The following MARCHF1 variants were observed in gnomAD, a reference collection of about 807,000 sequenced individuals.
MARCHF1 encodes E3 ubiquitin-protein ligase MARCHF1.
MARCHF1 carries 40 observed loss-of-function variants against 54.2 expected under a neutral mutation model. The observed-to-expected ratio is 0.74, with a 90% confidence interval of 0.57 to 0.96. The LOEUF (loss-of-function observed/expected upper bound fraction) is 0.96, where lower values mean the gene tolerates loss of function less well. Ranked by LOEUF, MARCHF1 falls within the 40% of genes least tolerant of loss-of-function variation. MARCHF1 has a pLI of 0.00. For missense variants in MARCHF1, 586 were observed against 656.5 expected, an observed-to-expected ratio of 0.89 and a Z score of 1.17; for synonymous variants, 236 against 236.3, an observed-to-expected ratio of 1.00 and a Z score of 0.01.
chr4:164,269,370 A>G (rs1560981723), intron 1 of MARCHF1, among the ~76,000 whole-genome samples: 1 of 151,972 alleles, frequency 6.6e-6, no homozygotes, highest in Non-Finnish European at 1.5e-5. Flanking sequence ...TTGCCTAGCA[A>G]TGGCTGTTTC....
rs779396035 is a variant in MARCHF1 at position 163,545,738 on chromosome 4, C to T, written c.1197G>A (p.Glu399=). The T allele has an allele frequency of 3.1e-6, 5 of 1,612,268 alleles. No homozygotes were observed. Among genetic ancestry groups the T allele is most frequent in the Middle Eastern group, 3.3e-4 (2 of 6,054 alleles). The change falls in exon 9 of 10, where the codon GAG becomes GAA. Residue 399 remains glutamate (E), a synonymous_variant. Transcript: ENST00000514618. ...TTTCACTTGTGGTCATCTGTAGTTT[C>T]TCCCACTGCAATCAGAAATGAAGGA... ...ETKLKPLRKW[E]KLQMTTSERR...
At chr4:163,553,782 C>T (rs1356969022) in intron 8 of MARCHF1, among the ~76,000 whole-genome samples, 1 of 152,120 alleles carries the variant, frequency 6.6e-6, no homozygotes, top group Non-Finnish European at 1.5e-5. Context: ...AAAGCATGAG[C>T]GTGGGTGTGT....
intron 1 of MARCHF1, among the ~76,000 whole-genome samples, chr4:164,326,150 T>TA (rs1735275416): frequency 6.6e-6 from 1 of 152,190 alleles, no homozygotes; most frequent in South Asian, 2.1e-4. Context: ...CCTTCCTTTT[T>TA]AAAAAATTCT....
rs1193638658 is a variant in MARCHF1, at chr4:163,802,540, T to C, written c.111+51481A>G. ...CCCTTTTTAATCCTCAAGCAGCTTT[T>C]GCTGTAACTGCAGTGTTTTTTACAG... On this transcript the variant is annotated intron_variant, in intron 4 of 9. Transcript: ENST00000514618. Among the ~76,000 whole-genome samples the C allele has an allele frequency of 2.6e-5, 4 of 152,218 alleles. No individual in the cohort carries two copies. In the East Asian group the frequency reaches 7.7e-4, roughly 29 times the overall value.
At chr4:163,607,900 C>T (rs527402690) in intron 7 of MARCHF1, among the ~76,000 whole-genome samples, 3 of 152,216 alleles carry the variant, frequency 2.0e-5, no homozygotes, top group South Asian at 4.1e-4. Flanking sequence ...ACAAGCCCTC[C>T]AGTTGTCACT....
At chr4:164,197,162 C>A (rs146982667) in intron 1 of MARCHF1, 44 of 1,607,918 alleles carry the variant, frequency 2.7e-5, no homozygotes, top group Non-Finnish European at 3.7e-5. Context: ...CCCTCCTCAT[C>A]TTCCACTACC....
chr4:164,175,570 G>C (rs1195538309), intron 1 of MARCHF1, among the ~76,000 whole-genome samples: 1 of 152,214 alleles, frequency 6.6e-6, no homozygotes, highest in East Asian at 1.9e-4. Flanking sequence ...GTACTTTGTA[G>C]ATGTGATTGA....
intron 3 of MARCHF1, among the ~76,000 whole-genome samples, chr4:163,910,106 A>G (rs1003925513): frequency 7.2e-5 from 11 of 152,190 alleles, no homozygotes; most frequent in African/African-American, 2.7e-4. Context: ...AACATATAAG[A>G]ACAAAATCCT....
chr4:164,050,314 C>CT (rs1754337341), intron 2 of MARCHF1, among the ~76,000 whole-genome samples: 1 of 127,166 alleles, frequency 7.9e-6, no homozygotes, highest in Non-Finnish European at 1.6e-5. Context: ...AAGGCCCTAG[C>CT]TTTTATCCTT....
intron 2 of MARCHF1, among the ~76,000 whole-genome samples, chr4:164,046,566 C>A (rs141931792): frequency 6.6e-6 from 1 of 152,124 alleles, no homozygotes; most frequent in Non-Finnish European, 1.5e-5. Flanking sequence ...TCATTAAATG[C>A]TTAATCTGTC....
intron 4 of MARCHF1, among the ~76,000 whole-genome samples, chr4:163,730,200 T>C (rs975008303): frequency 2.0e-5 from 3 of 152,152 alleles, no homozygotes; most frequent in African/African-American, 4.8e-5. Flanking sequence ...TTTTTCGTTT[T>C]AGTTATTGTA....
chr4:164,313,367 A>AAAAAAAAAT (rs1734917934), intron 1 of MARCHF1, among the ~76,000 whole-genome samples: 1 of 150,998 alleles, frequency 6.6e-6, no homozygotes, highest in Non-Finnish European at 1.5e-5. Context: ...AAAAAAAAAA[A>AAAAAAAAAT]GTGTAGATTT....
chr4:163,692,677 A>G (rs1186726809), intron 5 of MARCHF1, among the ~76,000 whole-genome samples: 1 of 147,670 alleles, frequency 6.8e-6, no homozygotes, highest in East Asian at 2.1e-4. Flanking sequence ...GCTAACTGAT[A>G]TTTGGAAAGG....
chr4:164,101,095 C>A (rs184483119), intron 2 of MARCHF1, among the ~76,000 whole-genome samples: 1 of 152,252 alleles, frequency 6.6e-6, no homozygotes, highest in South Asian at 2.1e-4. Flanking sequence ...TATCCCGCAC[C>A]TGGCTCGGAG....
chr4:163,635,891 C>T (rs1333759665), intron 5 of MARCHF1, among the ~76,000 whole-genome samples: 1 of 152,132 alleles, frequency 6.6e-6, no homozygotes, highest in South Asian at 2.1e-4. Flanking sequence ...AAAAGCTTAT[C>T]CACCATGATC....
chr4:163,612,169 A>T lies in MARCHF1; in HGVS notation c.1010+102T>A, dbSNP rs1029942266. The T allele has an allele frequency of 1.2e-5, 12 of 1,031,748 alleles. No homozygotes were observed. The African/African-American group carries it at 2.0e-4, about 17-fold the overall frequency. The allele number at this position is 1,031,748 out of a possible 1,614,324, so 63.9% of individuals were successfully genotyped here. On this transcript the variant is annotated intron_variant, in intron 7 of 9. Coordinates refer to ENST00000514618, the MANE Select transcript of MARCHF1 (RefSeq NM_001394959.1). ...ATCCAATCAGAAAAAGAACAATGTAAATAAATGTTAAGTTTTGAGGGTAGG... is the reference window on the plus strand; with the variant it reads ...ATCCAATCAGAAAAAGAACAATGTATATAAATGTTAAGTTTTGAGGGTAGG...
chr4:163,727,459 C>T (rs752102298), intron 4 of MARCHF1, among the ~76,000 whole-genome samples: 10 of 152,142 alleles, frequency 6.6e-5, no homozygotes, highest in Admixed American at 5.2e-4. Flanking sequence ...AGGCGCATGC[C>T]GCCATGCCTG....
chr4:164,253,671 G>A (rs1031470732), intron 1 of MARCHF1, among the ~76,000 whole-genome samples: 11 of 152,082 alleles, frequency 7.2e-5, no homozygotes, highest in Middle Eastern at 3.4e-3. Flanking sequence ...AAGCATATAC[G>A]TGGACATTGA....
intron 1 of MARCHF1, among the ~76,000 whole-genome samples, chr4:164,333,173 C>T (rs1729614442): frequency 2.0e-5 from 3 of 152,016 alleles, no homozygotes; most frequent in South Asian, 4.1e-4. Context: ...GTCCTCTCCA[C>T]ATGTGTTTCA....
Sources: gnomAD v4.1 joint callset for allele counts (sites outside exome capture counted in the v4.1 genomes callset) on GRCh38, gnomAD v4.1.1 for gene constraint, MANE v1.5 for transcripts, NCBI Gene and HGNC (gene_info 2026-07-23, HGNC 2026-07-21) for gene names.